Variants in PCDH11X observed in about 807,000 individuals in gnomAD.
The protein encoded by PCDH11X is protocadherin-11 X-linked.
Under a neutral mutation model 53.3 loss-of-function variants are expected in PCDH11X, and 18 were observed. The observed-to-expected ratio is 0.34, with a 90% CI of 0.23 to 0.50. The LOEUF is 0.50. Among genes scored for constraint, PCDH11X ranks in the 20% least tolerant of loss-of-function variants. PCDH11X has a pLI of 0.98. For synonymous variants in PCDH11X, 279 were observed against 393.3 expected, an observed-to-expected ratio of 0.71 and a Z score of 3.44; for missense variants, 570 against 1,032.4, an observed-to-expected ratio of 0.55 and a Z score of 6.14.
intron 5 of PCDH11X, among the ~76,000 whole-genome samples, chrX:91,857,389 TC>T (rs1049510591): frequency 1.2e-4 from 13 of 111,331 alleles, no homozygotes; most frequent in Middle Eastern, 4.2e-3. Context: ...CCCTGGCCCC[TC>T]CCAGAACTCA....
chrX:92,120,155 C>CTTTTTTTT (rs764997941), intron 6 of PCDH11X, among the ~76,000 whole-genome samples: 48 of 60,655 alleles, frequency 7.9e-4, no homozygotes, highest in Non-Finnish European at 1.2e-3. Context: ...ACTTTTCTTT[C>CTTTTTTTT]TTTTTTTTTT....
chrX:92,177,283 G>T lies in PCDH11X; in HGVS notation c.3034-24092G>T, dbSNP rs1307074321. Among the ~76,000 whole-genome samples the T allele has an allele frequency of 3.6e-5, 4 of 111,272 alleles. No homozygotes were observed. In the East Asian group the frequency reaches 8.5e-4, roughly 24 times the overall value. On this transcript the variant is annotated intron_variant, in intron 6 of 10. Coordinates refer to ENST00000682573, the MANE Select transcript of PCDH11X (RefSeq NM_032968.5). Reference sequence around the variant, plus strand: ...TTGAGCCACTGTGCCCGGCCACAAGGTAGTTATTCTTATTTCAAACTAGTT... The same window carrying T: ...TTGAGCCACTGTGCCCGGCCACAAGTTAGTTATTCTTATTTCAAACTAGTT...
intron 6 of PCDH11X, among the ~76,000 whole-genome samples, chrX:92,159,622 A>T (rs1287385221): frequency 2.0e-3 from 207 of 103,702 alleles, no homozygotes; most frequent in Non-Finnish European, 3.7e-3. Context: ...GGATTAAAAA[A>T]AAAAAGGCAA....
intron 10 of PCDH11X, among the ~76,000 whole-genome samples, chrX:92,542,452 G>A (rs1180332878): frequency 2.7e-5 from 3 of 110,570 alleles, no homozygotes; most frequent in Non-Finnish European, 1.9e-5. Flanking sequence ...GGAACACTGG[G>A]ACCACTAGCA....
chrX:92,301,747 T>TTTTTTTTTTGAGACGGA, intron 8 of PCDH11X, among the ~76,000 whole-genome samples: 5 of 110,357 alleles, frequency 4.5e-5, no homozygotes, highest in African/African-American at 1.3e-4. Context: ...GTGTTGTCTT[T>TTTTTTTTTTGAGACGGA]GCCTGGTTCT....
At chrX:91,991,045 C>G (rs774524434) in intron 6 of PCDH11X, among the ~76,000 whole-genome samples, 2 of 108,957 alleles carry the variant, frequency 1.8e-5, no homozygotes, top group South Asian at 8.1e-4. Context: ...GGAGCTCTGG[C>G]TTTCCACTAG....
At chrX:92,154,771 C>T (rs1352193358) in intron 6 of PCDH11X, among the ~76,000 whole-genome samples, 19 of 104,230 alleles carry the variant, frequency 1.8e-4, no homozygotes, top group Admixed American at 1.3e-3. Flanking sequence ...GAGAAAAGTC[C>T]GGTCACCGAG....
At chrX:92,406,788 G>A (rs1446970125) in intron 9 of PCDH11X, among the ~76,000 whole-genome samples, 3 of 107,265 alleles carry the variant, frequency 2.8e-5, no homozygotes, top group East Asian at 2.9e-4. Context: ...TCAGCAGGAC[G>A]TGGCAGTGGG....
Position 92,134,620 on chromosome X carries a change from T to C in PCDH11X, c.3034-66755T>C, listed in dbSNP as rs369680498. 2.3e-4 allele frequency among the ~76,000 whole-genome samples: 25 copies of C among 110,603 alleles called. 1 individual carries two copies. In the South Asian group the frequency reaches 8.9e-3, roughly 40 times the overall value. On this transcript the variant is annotated intron_variant, in intron 6 of 10. Coordinates refer to ENST00000682573, the MANE Select transcript of PCDH11X (RefSeq NM_032968.5). Reference sequence around the variant, plus strand: ...GTCCATAGAGTAAAGTGAAAGCACGTTTATTAGGAGAGTAAAGGAATACAA... The same window carrying C: ...GTCCATAGAGTAAAGTGAAAGCACGCTTATTAGGAGAGTAAAGGAATACAA...
At chrX:91,994,240 C>T (rs2062373334) in intron 6 of PCDH11X, among the ~76,000 whole-genome samples, 1 of 103,857 alleles carries the variant, frequency 9.6e-6, no homozygotes, top group Admixed American at 1.1e-4. Flanking sequence ...TTAGCAAATA[C>T]ATTACGTCTC....
At chrX:91,841,126 A>G (rs1937510206) in intron 5 of PCDH11X, among the ~76,000 whole-genome samples, 1 of 110,824 alleles carries the variant, frequency 9.0e-6, no homozygotes, top group Non-Finnish European at 1.9e-5. Flanking sequence ...TCCACTGGGG[A>G]AAAAATGACA....
At chrX:92,132,669 G>GTATATATATATA (rs1230739543) in intron 6 of PCDH11X, among the ~76,000 whole-genome samples, 1 of 51,615 alleles carries the variant, frequency 1.9e-5, no homozygotes, top group African/African-American at 1.1e-4. Context: ...ATATATATAT[G>GTATATATATATA]TATATGTATA....
In PCDH11X at chrX:92,194,297, A is replaced by T. The variant is rs1000310009; in HGVS notation, c.3034-7078A>T. Among the ~76,000 whole-genome samples, 3 of 111,926 alleles carry T rather than the reference A, an allele frequency of 2.7e-5. No individual in the cohort carries two copies. The Admixed American group carries it at 2.9e-4, about 11-fold the overall frequency. On this transcript the variant is annotated intron_variant, in intron 6 of 10. Coordinates refer to ENST00000682573, the MANE Select transcript of PCDH11X (RefSeq NM_032968.5). Reference sequence around the variant, plus strand: ...TCTTTTAGGGATTTAAACATAATTTACTGATATTTTCTGATAAGTTTTGAT... The same window carrying T: ...TCTTTTAGGGATTTAAACATAATTTTCTGATATTTTCTGATAAGTTTTGAT...
chrX:91,994,715 C>G (rs2062381959), intron 6 of PCDH11X, among the ~76,000 whole-genome samples: 1 of 110,971 alleles, frequency 9.0e-6, no homozygotes, highest in South Asian at 3.8e-4. Context: ...TGTTGAGGAA[C>G]ATCCACACTG....
chrX:92,607,984 A>T (rs1926995262), intron 10 of PCDH11X, among the ~76,000 whole-genome samples: 1 of 111,250 alleles, frequency 9.0e-6, no homozygotes, highest in African/African-American at 3.3e-5. Flanking sequence ...GTGAGCTCTA[A>T]ATAAAGAAAG....
At chrX:92,219,676 T>C (rs1399590171) in intron 7 of PCDH11X, among the ~76,000 whole-genome samples, 1 of 41,568 alleles carries the variant, frequency 2.4e-5, no homozygotes, top group Non-Finnish European at 5.4e-5. Context: ...ATGCCTTTCT[T>C]CACAGAATTG....
chrX:92,463,875 G>A (rs1377159857), intron 9 of PCDH11X, among the ~76,000 whole-genome samples: 2 of 110,859 alleles, frequency 1.8e-5, no homozygotes, highest in African/African-American at 6.6e-5. Context: ...GGAAAAAAAA[G>A]TACAACTCTA....
At chrX:92,085,349 T>C in intron 6 of PCDH11X, among the ~76,000 whole-genome samples, 1 of 110,465 alleles carries the variant, frequency 9.1e-6, no homozygotes, top group Non-Finnish European at 1.9e-5. Flanking sequence ...CTCAATCCAA[T>C]AGGCTCCTGC....
At chrX:92,462,265 G>A (rs1309929403) in intron 9 of PCDH11X, among the ~76,000 whole-genome samples, 1 of 110,914 alleles carries the variant, frequency 9.0e-6, no homozygotes, top group Non-Finnish European at 1.9e-5. Flanking sequence ...AATTTCACAA[G>A]GAAGGAATTT....
Sources: gnomAD v4.1 joint callset for allele counts (sites outside exome capture counted in the v4.1 genomes callset) on GRCh38, gnomAD v4.1.1 for gene constraint, MANE v1.5 for transcripts, NCBI Gene and HGNC (gene_info 2026-07-23, HGNC 2026-07-21) for gene names.